Variants in RAB21 observed in about 807,000 individuals in gnomAD.
The protein encoded by RAB21 is ras-related protein Rab-21.
Under a neutral mutation model 33.1 loss-of-function variants are expected in RAB21, and 13 were observed. That is an observed-to-expected ratio of 0.39 (90% CI 0.26 to 0.62). RAB21 has a LOEUF of 0.62. RAB21 is among the 20% of genes least tolerant of loss of function. RAB21 has a pLI of 0.48. For missense variants in RAB21, 234 were observed against 279.1 expected, an observed-to-expected ratio of 0.84 and a Z score of 1.15; for synonymous variants, 91 against 103.7, an observed-to-expected ratio of 0.88 and a Z score of 0.74.
chr12:71,758,065 C>T (rs1029251211), intron 1 of RAB21, among the ~76,000 whole-genome samples: 6 of 151,408 alleles, frequency 4.0e-5, no homozygotes, highest in Admixed American at 2.6e-4. Flanking sequence ...TGGAGTCTCA[C>T]TCTATCACCC....
At position 71,770,582 on chromosome 12, in the gene RAB21, C is replaced by T; in HGVS notation, c.220-10C>T. 1 of 1,548,918 alleles carries T rather than the reference C, an allele frequency of 6.5e-7. No individual in the cohort carries two copies. The highest frequency in any genetic ancestry group is 8.9e-7 in the Non-Finnish European group (1 of 1,121,818). Reference sequence around the variant, plus strand: ...CTTCTGATCTAATAAGCATTTGTTGCTTTCTTTAGGATACGGCAGGTCAAG... The same window carrying T: ...CTTCTGATCTAATAAGCATTTGTTGTTTTCTTTAGGATACGGCAGGTCAAG... On this transcript the variant is annotated splice_polypyrimidine_tract_variant and intron_variant, in intron 2 of 6. Transcript: ENST00000261263.
chr12:71,785,330 C>G (rs1449635601), intron 6 of RAB21, among the ~76,000 whole-genome samples: 2 of 152,158 alleles, frequency 1.3e-5, no homozygotes, highest in Non-Finnish European at 2.9e-5. Flanking sequence ...AATAAGCTTA[C>G]TACTTGATAC....
rs1882755453 is a variant in RAB21, at chr12:71,754,905, C to T, written c.-225C>T. ...CCATTAGAGGGAGGCAGAGAGGGATCGTTCTTCGCTTTTCCTCCGGTGCCT... is the reference window on the plus strand; with the variant it reads ...CCATTAGAGGGAGGCAGAGAGGGATTGTTCTTCGCTTTTCCTCCGGTGCCT... On this transcript the variant is annotated 5_prime_UTR_variant, in exon 1 of 7. Coordinates refer to ENST00000261263, the MANE Select transcript of RAB21 (RefSeq NM_014999.4). 1 of 205,850 alleles carries T rather than the reference C, an allele frequency of 4.9e-6. No individual in the cohort carries two copies. Among genetic ancestry groups the T allele is most frequent in the Non-Finnish European group, 8.7e-6 (1 of 115,094 alleles). The allele number at this position is 205,850 out of a possible 1,614,324, so 12.8% of individuals were successfully genotyped here. A position where few individuals can be genotyped will look rare whatever the true frequency, so the allele number is the denominator to read the frequency against.
chr12:71,793,063 C>G lies in RAB21; in HGVS notation c.*7390C>G, dbSNP rs1463450605. The stretch of plus-strand genomic sequence containing the variant: ...GCTTCAAGGGGGTAATTAAGTGATC[C>G]TCTAACCCAAATTGCTTTTCCAAAT... On this transcript the variant is annotated 3_prime_UTR_variant, in exon 7 of 7. Coordinates refer to ENST00000261263, the MANE Select transcript of RAB21 (RefSeq NM_014999.4). 3 of 152,178 alleles carry G rather than the reference C, an allele frequency of 2.0e-5. No individual in the cohort carries two copies. Among genetic ancestry groups the G allele is most frequent in the South Asian group, 2.1e-4 (1 of 4,830 alleles). The allele number at this position is 152,178 out of a possible 1,614,324, so 9.4% of individuals were successfully genotyped here.
At position 71,798,659 on chromosome 12, in the gene RAB21, T is replaced by A. The variant is rs1396695340; in HGVS notation, c.*12986T>A. On this transcript the variant is annotated 3_prime_UTR_variant, in exon 7 of 7. Transcript: ENST00000261263. The stretch of plus-strand genomic sequence containing the variant: ...TACTAAGAGAAGTATAAGACAAAAC[T>A]ATACTGAGATACCAGTTTTTTAACC... 1 of 152,178 alleles carries A rather than the reference T, an allele frequency of 6.6e-6. No individual in the cohort carries two copies. The highest frequency in any genetic ancestry group is 1.5e-5 in the Non-Finnish European group (1 of 68,026). 9.4% of individuals were successfully genotyped at this position (152,178 alleles called of 1,614,324 possible).
intron 1 of RAB21, among the ~76,000 whole-genome samples, chr12:71,765,989 A>G (rs1350183189): frequency 1.3e-5 from 2 of 152,168 alleles, no homozygotes; most frequent in Non-Finnish European, 2.9e-5. Context: ...GATTTACGAA[A>G]CAGAATCTTT....
chr12:71,766,431 T>G (rs1165153155), intron 1 of RAB21, among the ~76,000 whole-genome samples: 1 of 152,122 alleles, frequency 6.6e-6, no homozygotes, highest in Non-Finnish European at 1.5e-5. Flanking sequence ...TTTCCACATC[T>G]GTAATACATG....
chr12:71,771,975 CAA>C (rs1387002732), intron 3 of RAB21, among the ~76,000 whole-genome samples: 5 of 130,066 alleles, frequency 3.8e-5, no homozygotes, highest in Admixed American at 7.8e-5. Context: ...GACTCCATCT[CAA>C]AAAAAAAAAA....
At chr12:71,758,284 C>T (rs568235614) in intron 1 of RAB21, among the ~76,000 whole-genome samples, 295 of 152,084 alleles carry the variant, frequency 1.9e-3, no homozygotes, top group African/African-American at 6.7e-3. Flanking sequence ...CCACCTGCCT[C>T]GGCCTCCCAA....
chr12:71,783,582 A>C (rs1269944604), intron 6 of RAB21, among the ~76,000 whole-genome samples: 1 of 152,118 alleles, frequency 6.6e-6, no homozygotes, highest in Non-Finnish European at 1.5e-5. Flanking sequence ...ATATCACTTG[A>C]AAATATGTCA....
At chr12:71,768,701 A>G (rs1266105723) in intron 1 of RAB21, among the ~76,000 whole-genome samples, 1 of 152,138 alleles carries the variant, frequency 6.6e-6, no homozygotes, top group Non-Finnish European at 1.5e-5. Context: ...CTCCCTTGTC[A>G]GTAGTCCTGT....
chr12:71,763,953 T>TA (rs1158526083), intron 1 of RAB21, among the ~76,000 whole-genome samples: 10 of 152,136 alleles, frequency 6.6e-5, no homozygotes, highest in South Asian at 4.2e-4. Flanking sequence ...CTGTATTTTT[T>TA]AAAAAAAATC....
chr12:71,764,924 A>G (rs1450953918), intron 1 of RAB21, among the ~76,000 whole-genome samples: 1 of 152,164 alleles, frequency 6.6e-6, no homozygotes, highest in Non-Finnish European at 1.5e-5. Flanking sequence ...ACATGTGTGC[A>G]TGTGTCTTTT....
In RAB21 at chr12:71,790,214, A is replaced by G. The variant is rs936178007; in HGVS notation, c.*4541A>G. The G allele has an allele frequency of 2.6e-5, 4 of 152,192 alleles. No homozygotes were observed. Among genetic ancestry groups the G allele is most frequent in the African/African-American group, 9.6e-5 (4 of 41,454 alleles). The allele number at this position is 152,192 out of a possible 1,614,324, so 9.4% of individuals were successfully genotyped here. A position where few individuals can be genotyped will look rare whatever the true frequency, so the allele number is the denominator to read the frequency against. On this transcript the variant is annotated 3_prime_UTR_variant, in exon 7 of 7. Transcript: ENST00000261263. The stretch of plus-strand genomic sequence containing the variant: ...GAAGTCTGCACATATTTTCAAATGC[A>G]TCATATTAAAGGCACAAGTCAAGAG...
At chr12:71,775,515 G>A (rs528027282) in intron 4 of RAB21, among the ~76,000 whole-genome samples, 22 of 152,244 alleles carry the variant, frequency 1.4e-4, no homozygotes, top group African/African-American at 5.1e-4. Flanking sequence ...GGTCAGTTTG[G>A]GCAAATTCTG....
In RAB21 at chr12:71,795,697, A is replaced by T. The variant is rs977916327; in HGVS notation, c.*10024A>T. The T allele has an allele frequency of 8.0e-5, 11 of 137,096 alleles. 3 individuals are homozygous for T. Among genetic ancestry groups the T allele is most frequent in the African/African-American group, 3.2e-4 (11 of 33,946 alleles). 8.5% of individuals were successfully genotyped at this position (137,096 alleles called of 1,614,324 possible). Reference sequence around the variant, plus strand: ...TTACATCTCTGCTCTGGTTTTTTGAAGCTCATTAGGATGATACCTGTCATC... The same window carrying T: ...TTACATCTCTGCTCTGGTTTTTTGATGCTCATTAGGATGATACCTGTCATC... On this transcript the variant is annotated 3_prime_UTR_variant, in exon 7 of 7. Transcript: ENST00000261263.
At position 71,790,661 on chromosome 12, in the gene RAB21, C is replaced by G. The variant is rs534266457; in HGVS notation, c.*4988C>G. On this transcript the variant is annotated 3_prime_UTR_variant, in exon 7 of 7. Coordinates refer to ENST00000261263, the MANE Select transcript of RAB21 (RefSeq NM_014999.4). ...CTATTGGTCTCTAGTATATACTCCT[C>G]AAATATCTTTTTGCTATGTATTAAT... 5.3e-5 allele frequency: 8 copies of G among 152,216 alleles called. No individual in the cohort carries two copies. In the South Asian group the frequency reaches 1.7e-3, roughly 32 times the overall value. The allele number at this position is 152,216 out of a possible 1,614,324, so 9.4% of individuals were successfully genotyped here.
In RAB21 at chr12:71,789,413, C is replaced by T. The variant is rs1482293872; in HGVS notation, c.*3740C>T. 6.6e-6 allele frequency: 1 copy of T among 152,034 alleles called. No individual in the cohort carries two copies. The highest frequency in any genetic ancestry group is 2.4e-5 in the African/African-American group (1 of 41,418). The allele number at this position is 152,034 out of a possible 1,614,324, so 9.4% of individuals were successfully genotyped here. A position where few individuals can be genotyped will look rare whatever the true frequency, so the allele number is the denominator to read the frequency against. ...AGTTTACTCTTATAATTACCCGTTA[C>T]GTTATCTCTAAAAGTAGTTTGATCT... On this transcript the variant is annotated 3_prime_UTR_variant, in exon 7 of 7. Transcript: ENST00000261263.
At chr12:71,771,975 C>CAAAAA (rs1387002732) in intron 3 of RAB21, among the ~76,000 whole-genome samples, 1 of 130,132 alleles carries the variant, frequency 7.7e-6, no homozygotes, top group African/African-American at 2.8e-5. Context: ...GACTCCATCT[C>CAAAAA]AAAAAAAAAA....
Sources: gnomAD v4.1 joint callset for allele counts (sites outside exome capture counted in the v4.1 genomes callset) on GRCh38, gnomAD v4.1.1 for gene constraint, MANE v1.5 for transcripts, NCBI Gene and HGNC (gene_info 2026-07-23, HGNC 2026-07-21) for gene names.